Variants in HSF1 observed in about 807,000 individuals in gnomAD.
The protein encoded by HSF1 is heat shock transcription factor 1, also known as heat shock factor protein 1.
HSF1 carries 32 observed loss-of-function variants against 51.7 expected under a neutral mutation model. The ratio of observed to expected loss-of-function variants is 0.62; its 90% CI spans 0.47 to 0.83. The LOEUF is 0.83. HSF1 is among the 40% of genes least tolerant of loss of function. The probability of loss-of-function intolerance (pLI) is 0.00; values close to 1 mark genes in which losing one functional copy is unlikely to be tolerated. For missense variants in HSF1, 727 were observed against 717.0 expected (o/e 1.01, Z -0.16); for synonymous variants, 396 against 309.7 (o/e 1.28, Z -2.92).
At chr8:144,308,211 C>A (rs1230245999) in intron 1 of HSF1, among the ~76,000 whole-genome samples, 3 of 152,234 alleles carry the variant, frequency 2.0e-5, no homozygotes, top group Admixed American at 1.3e-4. Context: ...CCCCCTTCCC[C>A]GCCGTGTGGG....
intron 1 of HSF1, among the ~76,000 whole-genome samples, chr8:144,301,163 A>C (rs1815837465): frequency 2.0e-5 from 3 of 152,228 alleles, no homozygotes; most frequent in Admixed American, 6.5e-5. Flanking sequence ...TCCTGCCCGA[A>C]ATCCCAGCAC....
chr8:144,295,668 C>A lies in HSF1; in HGVS notation c.117+3794C>A, dbSNP rs562749883. 3.9e-5 allele frequency among the ~76,000 whole-genome samples: 6 copies of A among 152,020 alleles called. No homozygotes were observed. The East Asian group carries it at 1.2e-3, about 29-fold the overall frequency. On this transcript the variant is annotated intron_variant, in intron 1 of 12. Coordinates refer to ENST00000528838, the MANE Select transcript of HSF1 (RefSeq NM_005526.4). ...TCCCAGGCTCAAGTGATCCAGTCAC[C>A]TCAGCTGAGTCACTGGGACTACAGG...
rs1452793611 is a variant in HSF1, at chr8:144,291,621, G to A, written c.-137G>A. On this transcript the variant is annotated 5_prime_UTR_variant, in exon 1 of 13. Coordinates refer to ENST00000528838, the MANE Select transcript of HSF1 (RefSeq NM_005526.4). This position sits in a 1 kb window ranked among gnomAD's most constrained non-coding sequence, Gnocchi z 4.1. ...AGCGCGCCCGTTGCAAGATGGCGGC[G>A]GCCATGCTGGGCCCCGGGGCTGTGT... 5 of 367,748 alleles carry A rather than the reference G, an allele frequency of 1.4e-5. No homozygotes were observed. Among genetic ancestry groups the A allele is most frequent in the Admixed American group, 5.2e-5 (1 of 19,322 alleles). 22.8% of individuals were successfully genotyped at this position (367,748 alleles called of 1,614,324 possible). A position where few individuals can be genotyped will look rare whatever the true frequency, so the allele number is the denominator to read the frequency against.
chr8:144,312,185 TCCCTCCCC>T lies in HSF1; in HGVS notation c.1087_1094del (p.Ser363AlafsTer6). On this transcript the variant is annotated frameshift_variant, in exon 9 of 13. Coordinates refer to ENST00000528838, the MANE Select transcript of HSF1 (RefSeq NM_005526.4). LOFTEE classifies it high-confidence loss of function. ...GCCACACGGACACCGAGGGCCGGCCTCCCTCCCCCCCGCCCACCTCCACCCCTGAAAAG... is the reference window on the plus strand; with the variant it reads ...GCCACACGGACACCGAGGGCCGGCCTCCCGCCCACCTCCACCCCTGAAAAG... 1 of 1,532,944 alleles carries T rather than the reference TCCCTCCCC, an allele frequency of 6.5e-7. No homozygotes were observed. The highest frequency in any genetic ancestry group is 8.9e-7 in the Non-Finnish European group (1 of 1,117,504). 95.0% of individuals were successfully genotyped at this position (1,532,944 alleles called of 1,614,324 possible).
chr8:144,311,470 G>C lies in HSF1; in HGVS notation c.627-35G>C, dbSNP rs567393670. 1.2e-5 allele frequency: 19 copies of C among 1,610,172 alleles called. No homozygotes were observed. The South Asian group carries it at 1.6e-4, about 14-fold the overall frequency. ...AGCTGTGCCCCGGGTACCCCGAGGT[G>C]GGGGGTGGTGGCTGACCTGCACCCT... is the stretch of plus-strand genomic sequence containing the variant. On this transcript the variant is annotated intron_variant, in intron 6 of 12. Coordinates refer to ENST00000528838, the MANE Select transcript of HSF1 (RefSeq NM_005526.4).
intron 1 of HSF1, among the ~76,000 whole-genome samples, chr8:144,301,592 C>T (rs188777322): frequency 6.6e-4 from 101 of 152,268 alleles, no homozygotes; most frequent in African/African-American, 1.8e-3. Context: ...AGAGGCCGGG[C>T]GCGGTGGCTC....
chr8:144,312,045 C>T lies in HSF1; in HGVS notation c.943C>T (p.Pro315Ser). Residue 315 changes from proline (P) to serine (S), a missense_variant, in exon 9 of 13, where the codon CCC (proline) becomes TCC (serine). Coordinates refer to ENST00000528838, the MANE Select transcript of HSF1 (RefSeq NM_005526.4). ...GAGCCCCCGGGTAGAGGAGGCGAGT[C>T]CCGGGCGCCCATCTTCCGTGGACAC... is the stretch of plus-strand genomic sequence containing the variant. ...PQSPRVEEAS[P>S]GRPSSVDTLL... 1 of 1,611,470 alleles carries T rather than the reference C, an allele frequency of 6.2e-7. No individual in the cohort carries two copies.
At chr8:144,310,715 C>T (rs1328342564) in intron 4 of HSF1, 1 of 191,560 alleles carries the variant, frequency 5.2e-6, no homozygotes, top group African/African-American at 2.3e-5. Context: ...ACAGCTCTTC[C>T]CCACCCCTGA....
rs544582505 is a variant in HSF1 at position 144,296,142 on chromosome 8, A to T, written c.117+4268A>T. On this transcript the variant is annotated intron_variant, in intron 1 of 12. Coordinates refer to ENST00000528838, the MANE Select transcript of HSF1 (RefSeq NM_005526.4). ...GGTCTCTGGGTGGACAATTGGGAGC[A>T]GAGTGGTCCCTGCAGTGAGGCAGGG... Among the ~76,000 whole-genome samples the T allele has an allele frequency of 9.8e-5, 15 of 152,300 alleles. No individual in the cohort carries two copies. The South Asian group carries it at 3.1e-3, about 32-fold the overall frequency.
At position 144,313,413 on chromosome 8, in the gene HSF1, C is replaced by T. The variant is rs1420541807; in HGVS notation, c.1143-98C>T. ...TGTGCAGGCGTACACGGGGGTGCAGCCTGGGGGGTACAGTCAAGGGGAGCC... is the reference window on the plus strand; with the variant it reads ...TGTGCAGGCGTACACGGGGGTGCAGTCTGGGGGGTACAGTCAAGGGGAGCC... On this transcript the variant is annotated intron_variant, in intron 9 of 12. Coordinates refer to ENST00000528838, the MANE Select transcript of HSF1 (RefSeq NM_005526.4). 5.0e-6 allele frequency: 4 copies of T among 795,002 alleles called. No individual in the cohort carries two copies. In the South Asian group the frequency reaches 6.1e-5, roughly 12 times the overall value. 49.2% of individuals were successfully genotyped at this position (795,002 alleles called of 1,614,324 possible).
Position 144,308,940 on chromosome 8 carries a change from A to G in HSF1, c.152A>G (p.Gln51Arg). Residue 51 changes from glutamine to arginine, a missense_variant, in exon 2 of 13, where the codon CAG (glutamine) becomes CGG (arginine). By Grantham distance (43) the Gln-to-Arg change is conservative (BLOSUM62 1). This residue lies in a region of HSF1 where 257 missense variants were observed against 318.3 expected (regional missense o/e 0.81). Coordinates refer to ENST00000528838, the MANE Select transcript of HSF1 (RefSeq NM_005526.4). ...AGCTTCCACGTGTTCGACCAGGGCC[A>G]GTTTGCCAAGGAGGTGCTGCCCAAG... ...GNSFHVFDQG[Q>R]FAKEVLPKYF... is the part of the protein sequence containing the mutation. The G allele has an allele frequency of 1.2e-6, 2 of 1,614,166 alleles. No homozygotes were observed. Among genetic ancestry groups the G allele is most frequent in the East Asian group, 2.2e-5 (1 of 44,886 alleles).
intron 9 of HSF1, chr8:144,312,614 T>C (rs2130455633): frequency 6.5e-7 from 1 of 1,534,534 alleles, no homozygotes; most frequent in East Asian, 2.4e-5. Context: ...GGCTCTTGTT[T>C]TTGTATCTTG....
chr8:144,313,959 C>T (rs782445449), intron 11 of HSF1, 26 bp from the exon 12 acceptor site: 15 of 1,610,516 alleles, frequency 9.3e-6, no homozygotes, highest in African/African-American at 5.4e-5. Context: ...AGCGGGAGTG[C>T]TCACAATACC....
intron 1 of HSF1, among the ~76,000 whole-genome samples, chr8:144,296,065 A>G (rs976667536): frequency 5.9e-5 from 9 of 152,146 alleles, no homozygotes; most frequent in African/African-American, 1.9e-4. Flanking sequence ...CCCTCGGCCT[A>G]TCGCGGGAGA....
chr8:144,309,205 C>A, intron 2 of HSF1, 191 bp downstream of exon 2: 1 of 662,740 alleles, frequency 1.5e-6, no homozygotes, highest in Admixed American at 2.8e-5. Flanking sequence ...TGGGTATGAA[C>A]CTGGGGTCCC....
At chr8:144,302,378 G>T (rs1815947031) in intron 1 of HSF1, among the ~76,000 whole-genome samples, 1 of 151,552 alleles carries the variant, frequency 6.6e-6, no homozygotes. Context: ...GTGATGGCAG[G>T]TGCCTGTAGT....
intron 1 of HSF1, 152 bp downstream of exon 1, chr8:144,292,026 TCC>T (rs1554840489): frequency 4.4e-6 from 2 of 454,712 alleles, no homozygotes; most frequent in Admixed American, 9.1e-5. Flanking sequence ...GGGCGGCGGG[TCC>T]CGAGCCTGCT....
rs1554846291 is a variant in HSF1 at position 144,314,371 on chromosome 8, C to T, written c.*41C>T. On this transcript the variant is annotated 3_prime_UTR_variant, in exon 13 of 13. Transcript: ENST00000528838. ...TGGGCCAGCCGCCCACCCCCACCCC[C>T]AGTGCAGGGCTGGTCTTGGGGAGGC... 36 of 1,504,110 alleles carry T rather than the reference C, an allele frequency of 2.4e-5. No homozygotes were observed. Among genetic ancestry groups the T allele is most frequent in the Non-Finnish European group, 3.2e-5 (36 of 1,108,762 alleles). The allele number at this position is 1,504,110 out of a possible 1,614,324, so 93.2% of individuals were successfully genotyped here.
At position 144,311,789 on chromosome 8, in the gene HSF1, G is replaced by A; in HGVS notation, c.813G>A (p.Leu271=). The A allele has an allele frequency of 6.2e-7, 1 of 1,612,480 alleles. No individual in the cohort carries two copies. Among genetic ancestry groups the A allele is most frequent in the Non-Finnish European group, 8.5e-7 (1 of 1,179,742 alleles). The part of the protein sequence containing the change: ...SGPIISDITE[L]APASPMASPG... ...CCATCATCTCCGACATCACCGAGCT[G>A]GCTCCTGCCAGCCCCATGGCCTCCC... The change falls in exon 8 of 13, where the codon CTG becomes CTA. Residue 271 remains leucine (L), a synonymous_variant. Transcript: ENST00000528838.
Sources: allele counts gnomAD v4.1 joint callset (sites outside exome capture counted in the v4.1 genomes callset), GRCh38; gene constraint gnomAD v4.1.1; regional missense constraint gnomAD v4.1.1; non-coding constraint Gnocchi (gnomAD v3.1); transcripts MANE v1.5; gene names NCBI Gene and HGNC (gene_info 2026-07-23, HGNC 2026-07-21).